The following IQCH variants were observed in gnomAD, a reference collection of about 807,000 sequenced individuals.
IQCH encodes the protein IQ domain-containing protein H.
Under a neutral mutation model 117.0 loss-of-function variants are expected in IQCH, and 98 were observed. The observed-to-expected ratio is 0.84, with a 90% CI of 0.71 to 0.99. The LOEUF (loss-of-function observed/expected upper bound fraction) is 0.99, where lower values mean the gene tolerates loss of function less well. Among genes scored for constraint, IQCH ranks in the 50% least tolerant of loss-of-function variants. The probability of loss-of-function intolerance (pLI) is 0.00; values close to 1 mark genes in which losing one functional copy is unlikely to be tolerated. For missense variants in IQCH, 1,102 were observed against 1,243.8 expected (o/e 0.89, Z 1.72); for synonymous variants, 412 against 448.2 (o/e 0.92, Z 1.02).
intron 7 of IQCH, among the ~76,000 whole-genome samples, chr15:67,357,671 A>C (rs1969949682): frequency 6.6e-6 from 1 of 152,212 alleles, no homozygotes; most frequent in South Asian, 2.1e-4. Flanking sequence ...TGACTGGCTC[A>C]GCCTCTAATA....
At chr15:67,412,544 G>A (rs539077928) in intron 14 of IQCH, among the ~76,000 whole-genome samples, 35 of 152,124 alleles carry the variant, frequency 2.3e-4, no homozygotes, top group African/African-American at 7.9e-4. Flanking sequence ...GATTACAGGT[G>A]CCCACCACCA....
At chr15:67,271,692 A>G (rs1965904638) in intron 3 of IQCH, among the ~76,000 whole-genome samples, 1 of 152,082 alleles carries the variant, frequency 6.6e-6, no homozygotes, top group African/African-American at 2.4e-5. Flanking sequence ...GATTTTCCAA[A>G]TTGTAAATTG....
chr15:67,488,116 C>G (rs1224851862), intron 18 of IQCH, among the ~76,000 whole-genome samples: 1 of 152,146 alleles, frequency 6.6e-6, no homozygotes, highest in East Asian at 1.9e-4. Context: ...AGTTCGAGAC[C>G]AGCCTAAGCA....
chr15:67,330,196 C>G (rs1401522610), intron 4 of IQCH, among the ~76,000 whole-genome samples: 2 of 152,154 alleles, frequency 1.3e-5, no homozygotes, highest in Non-Finnish European at 2.9e-5. Context: ...GATGTAATTT[C>G]TGGATGTCAG....
At chr15:67,371,149 G>T (rs1254084568) in intron 8 of IQCH, among the ~76,000 whole-genome samples, 1 of 152,068 alleles carries the variant, frequency 6.6e-6, no homozygotes, top group East Asian at 1.9e-4. Context: ...TTACTGACGA[G>T]AACTCAGGGC....
intron 1 of IQCH, chr15:67,255,257 T>A (rs745584971): frequency 2.3e-6 from 1 of 426,946 alleles, no homozygotes; most frequent in Non-Finnish European, 4.3e-6. Context: ...TTAAATGTTA[T>A]ATTCTGAAAA....
At chr15:67,263,002 T>G in intron 2 of IQCH, 120 bp from the exon 3 acceptor site, 1 of 678,000 alleles carries the variant, frequency 1.5e-6, no homozygotes. Context: ...CACGTAATAA[T>G]ACATAGCATG....
chr15:67,360,032 T>G, intron 8 of IQCH, 147 bp downstream of exon 8: 2 of 615,696 alleles, frequency 3.2e-6, no homozygotes, highest in South Asian at 2.4e-5. Context: ...AATTAGATCA[T>G]GGTTTCAGGA....
intron 10 of IQCH, among the ~76,000 whole-genome samples, chr15:67,380,582 T>C (rs1970893632): frequency 6.6e-6 from 1 of 152,240 alleles, no homozygotes; most frequent in Non-Finnish European, 1.5e-5. Flanking sequence ...TATTATAAGA[T>C]GCTGATATGC....
At chr15:67,259,666 G>C (rs1596046057) in intron 1 of IQCH, among the ~76,000 whole-genome samples, 1 of 152,348 alleles carries the variant, frequency 6.6e-6, no homozygotes, top group South Asian at 2.1e-4. Flanking sequence ...TGGAGCTACA[G>C]ATACTAGAAG....
intron 4 of IQCH, chr15:67,304,508 A>G: frequency 1.1e-6 from 1 of 873,726 alleles, no homozygotes; most frequent in East Asian, 2.7e-5. Flanking sequence ...AATAAAAGTC[A>G]TTTATTAGTA....
intron 16 of IQCH, among the ~76,000 whole-genome samples, chr15:67,452,057 T>C (rs2082540696): frequency 6.6e-6 from 1 of 152,192 alleles, no homozygotes; most frequent in African/African-American, 2.4e-5. Context: ...CCCTGCCTTT[T>C]TTTGTTTTCC....
chr15:67,259,707 C>A (rs950157160), intron 1 of IQCH, among the ~76,000 whole-genome samples: 4 of 152,186 alleles, frequency 2.6e-5, no homozygotes, highest in Non-Finnish European at 5.9e-5. Flanking sequence ...AAGGAGGAAC[C>A]AAAAAATGCA....
chr15:67,418,554 A>ACACACACAC (rs1393744743), intron 15 of IQCH, among the ~76,000 whole-genome samples: 7 of 28,398 alleles, frequency 2.5e-4, no homozygotes, highest in South Asian at 8.0e-4. Context: ...CACACACACA[A>ACACACACAC]GATCAATAAT....
rs575027968 is a variant in IQCH at position 67,453,951 on chromosome 15, C to T, written c.2506-11176C>T. ...ATGGCGGGCACCCCTCCCCCAGCCTCGCTGCCGCCTTGCAGTTCGATCTGG... is the reference window on the plus strand; with the variant it reads ...ATGGCGGGCACCCCTCCCCCAGCCTTGCTGCCGCCTTGCAGTTCGATCTGG... On this transcript the variant is annotated intron_variant, in intron 16 of 20. Coordinates refer to ENST00000335894, the MANE Select transcript of IQCH (RefSeq NM_001031715.3). This position sits in a 1 kb window ranked among gnomAD's most constrained non-coding sequence, Gnocchi z 5.8. Among the ~76,000 whole-genome samples the T allele has an allele frequency of 2.0e-5, 3 of 152,238 alleles. No individual in the cohort carries two copies. The highest frequency in any genetic ancestry group is 3.8e-4 in the East Asian group (2 of 5,198).
In IQCH at chr15:67,390,083, C is replaced by T. The variant is rs528262348; in HGVS notation, c.1632+1077C>T. ...CCTCTGCTCAGTTTTGTTTCATTGGCACTTCTGACTGTGAAAGAGGAAGGT... is the reference window on the plus strand; with the variant it reads ...CCTCTGCTCAGTTTTGTTTCATTGGTACTTCTGACTGTGAAAGAGGAAGGT... On this transcript the variant is annotated intron_variant, in intron 12 of 20. Coordinates refer to ENST00000335894, the MANE Select transcript of IQCH (RefSeq NM_001031715.3). The surrounding 1 kb of genome is among the most constrained non-coding windows in gnomAD (Gnocchi z 5.0). Among the ~76,000 whole-genome samples the T allele has an allele frequency of 6.6e-6, 1 of 152,226 alleles. No homozygotes were observed. Among genetic ancestry groups the T allele is most frequent in the Non-Finnish European group, 1.5e-5 (1 of 67,994 alleles).
chr15:67,366,920 T>C lies in IQCH; in HGVS notation c.754-5191T>C, dbSNP rs946984720. 1.3e-5 allele frequency among the ~76,000 whole-genome samples: 2 copies of C among 152,190 alleles called. No individual in the cohort carries two copies. Among genetic ancestry groups the C allele is most frequent in the Non-Finnish European group, 2.9e-5 (2 of 68,042 alleles). On this transcript the variant is annotated intron_variant, in intron 8 of 20. Coordinates refer to ENST00000335894, the MANE Select transcript of IQCH (RefSeq NM_001031715.3). The surrounding 1 kb of genome is among the most constrained non-coding windows in gnomAD (Gnocchi z 4.4). ...TACGAAAAAAATCCCCCAGGTTTTT[T>C]TCATGGTGCATAAAGTGATGCCATT... is the stretch of plus-strand genomic sequence containing the variant.
At chr15:67,435,925 G>C (rs1234566438) in intron 16 of IQCH, among the ~76,000 whole-genome samples, 1 of 151,678 alleles carries the variant, frequency 6.6e-6, no homozygotes, top group Non-Finnish European at 1.5e-5. Flanking sequence ...CAGGTTATCT[G>C]GGGGTCTTTG....
chr15:67,412,501 C>T (rs1355014052), intron 14 of IQCH, among the ~76,000 whole-genome samples: 1 of 152,094 alleles, frequency 6.6e-6, no homozygotes, highest in Non-Finnish European at 1.5e-5. Flanking sequence ...CCCCTGCCTC[C>T]TGGATTCAAG....
Sources: allele counts gnomAD v4.1 joint callset (sites outside exome capture counted in the v4.1 genomes callset), GRCh38; gene constraint gnomAD v4.1.1; non-coding constraint Gnocchi (gnomAD v3.1); transcripts MANE v1.5; gene names NCBI Gene and HGNC (gene_info 2026-07-23, HGNC 2026-07-21).